The following PRSS3 variants were observed in gnomAD, a reference collection of about 807,000 sequenced individuals.
PRSS3 encodes trypsin-3.
In PRSS3, 14 loss-of-function variants were observed where a neutral mutation model predicts 20.8. That is an observed-to-expected ratio of 0.67 (90% CI 0.44 to 1.05). The LOEUF is 1.05. PRSS3 is among the 50% of genes least tolerant of loss of function. The probability of loss-of-function intolerance (pLI) is 0.00; values close to 1 mark genes in which losing one functional copy is unlikely to be tolerated. For missense variants in PRSS3, 237 were observed against 306.4 expected (o/e 0.77, Z 1.69); for synonymous variants, 91 against 117.6 (o/e 0.77, Z 1.46).
chr9:33,772,896 A>G (rs771363639), intron 1 of PRSS3, among the ~76,000 whole-genome samples: 8 of 152,242 alleles, frequency 5.3e-5, no homozygotes, highest in Middle Eastern at 3.4e-3. Flanking sequence ...CGAGGAGAAA[A>G]ACAAAATTCA....
At chr9:33,768,140 G>C (rs909458933) in intron 1 of PRSS3, among the ~76,000 whole-genome samples, 9 of 152,186 alleles carry the variant, frequency 5.9e-5, no homozygotes, top group African/African-American at 2.2e-4. Context: ...GTTTGGAGGT[G>C]CATGTTGGAA....
chr9:33,762,665 C>A (rs1049774070), intron 1 of PRSS3, among the ~76,000 whole-genome samples: 14 of 152,186 alleles, frequency 9.2e-5, no homozygotes, highest in Non-Finnish European at 1.8e-4. Context: ...CTATAACCTA[C>A]TTCCTTACTG....
At chr9:33,794,916 C>T, upstream of PRSS3, 1 of 1,537,580 alleles carries the variant, frequency 6.5e-7, no homozygotes, top group African/African-American at 1.4e-5. Flanking sequence ...CTTTGAAACA[C>T]TTCCCATCCT....
At chr9:33,786,514 C>T (rs554781876) in intron 1 of PRSS3, 2 of 757,296 alleles carry the variant, frequency 2.6e-6, no homozygotes, top group East Asian at 2.4e-5. Flanking sequence ...TCATGAATAT[C>T]TCTCTGGAAC....
intron 1 of PRSS3, among the ~76,000 whole-genome samples, chr9:33,758,350 C>T (rs1264829022): frequency 6.6e-6 from 1 of 152,242 alleles, no homozygotes; most frequent in Admixed American, 6.5e-5. Flanking sequence ...AGCTCCTGCT[C>T]TGGTCTCACT....
At position 33,787,655 on chromosome 9, in the gene PRSS3, TG is replaced by T. The variant is rs1304512991; in HGVS notation, c.-52-7088del. Among the ~76,000 whole-genome samples, 3 of 152,334 alleles carry T rather than the reference TG, an allele frequency of 2.0e-5. No homozygotes were observed. The East Asian group carries it at 5.8e-4, about 29-fold the overall frequency. ...CCCATGATAAAAGCTTCCTGCTGCT[TG>T]GGCCATAGACTAAGCAGACCCAGTT... is the stretch of plus-strand genomic sequence containing the variant. On this transcript the variant is annotated intron_variant, in intron 1 of 5. Coordinates refer to the PRSS3 transcript ENST00000342836.
rs796544303 is a variant in PRSS3, at chr9:33,797,754, G to A, written c.201-75G>A. 3 of 1,613,400 alleles carry A rather than the reference G, an allele frequency of 1.9e-6. No homozygotes were observed. In the African/African-American group the frequency reaches 4.0e-5, roughly 22 times the overall value. On this transcript the variant is annotated intron_variant, in intron 2 of 4. Transcript: ENST00000379405. The stretch of plus-strand genomic sequence containing the variant: ...AGAGCTATCCATGAGCAGTGAGCTT[G>A]AGGACCCTGGGGAAGGTGGGAGGGG...
At chr9:33,777,672 C>A (rs1823998067) in intron 1 of PRSS3, among the ~76,000 whole-genome samples, 1 of 148,322 alleles carries the variant, frequency 6.7e-6, no homozygotes, top group Non-Finnish European at 1.5e-5. Flanking sequence ...CGCGCTACTG[C>A]ACTCCACCCT....
chr9:33,761,074 G>A (rs767163453), intron 1 of PRSS3, among the ~76,000 whole-genome samples: 2 of 152,202 alleles, frequency 1.3e-5, no homozygotes, highest in Non-Finnish European at 2.9e-5. Flanking sequence ...TACGTCCCAG[G>A]ACAATCAGTC....
chr9:33,753,465 G>T (rs1320891382), intron 1 of PRSS3, among the ~76,000 whole-genome samples: 2 of 152,200 alleles, frequency 1.3e-5, no homozygotes, highest in African/African-American at 2.4e-5. Context: ...CTGTCATGTG[G>T]TCTCTTGAGA....
chr9:33,780,836 A>G (rs1824153339), intron 1 of PRSS3, among the ~76,000 whole-genome samples: 1 of 152,246 alleles, frequency 6.6e-6, no homozygotes, highest in South Asian at 2.1e-4. Flanking sequence ...GAGACCTAAC[A>G]ATCCTAAATA....
intron 1 of PRSS3, among the ~76,000 whole-genome samples, chr9:33,757,244 C>G (rs1822991720): frequency 6.6e-6 from 1 of 152,268 alleles, no homozygotes; most frequent in South Asian, 2.1e-4. Context: ...ATTTTCTTTT[C>G]TATTGAAAAA....
chr9:33,783,877 T>G (rs1262487024), intron 1 of PRSS3, among the ~76,000 whole-genome samples: 1 of 130,836 alleles, frequency 7.6e-6, no homozygotes, highest in Non-Finnish European at 1.6e-5. Context: ...GCGACAGAGC[T>G]AGACTTAATC....
intron 1 of PRSS3, among the ~76,000 whole-genome samples, chr9:33,781,340 C>T (rs1223362322): frequency 6.6e-6 from 1 of 152,178 alleles, no homozygotes; most frequent in Non-Finnish European, 1.5e-5. Context: ...GAATACTACA[C>T]AGCCCTAAAA....
intron 1 of PRSS3, among the ~76,000 whole-genome samples, chr9:33,785,388 G>A (rs112206841): frequency 0.21 from 32,180 of 150,520 alleles, 4,113 homozygotes; most frequent in East Asian, 0.55. Context: ...CGTTTTAGCC[G>A]GGATGGTCTC....
chr9:33,799,192 C>T lies in PRSS3; in HGVS notation c.*12C>T, dbSNP rs770709229. On this transcript the variant is annotated 3_prime_UTR_variant, in exon 5 of 5. Coordinates refer to ENST00000379405, the MANE Select transcript of PRSS3 (RefSeq NM_002771.4). ...CTGCCAACAGCTAAAGCCCCCGGTC[C>T]CTCTGCAGTCTCTATACCAATAAAG... The T allele has an allele frequency of 6.2e-7, 1 of 1,608,838 alleles. No homozygotes were observed. Among genetic ancestry groups the T allele is most frequent in the South Asian group, 1.1e-5 (1 of 90,968 alleles).
At chr9:33,759,858 T>A (rs1430890661) in intron 1 of PRSS3, among the ~76,000 whole-genome samples, 1 of 152,142 alleles carries the variant, frequency 6.6e-6, no homozygotes, top group Non-Finnish European at 1.5e-5. Flanking sequence ...GGAGGATTGT[T>A]GAGTAAAGTG....
intron 1 of PRSS3, among the ~76,000 whole-genome samples, chr9:33,785,622 A>T (rs1390246808): frequency 1.3e-5 from 2 of 152,226 alleles, no homozygotes; most frequent in Non-Finnish European, 2.9e-5. Context: ...AACAAAGGAA[A>T]ACATATAAGA....
intron 1 of PRSS3, among the ~76,000 whole-genome samples, chr9:33,766,855 T>G (rs187064151): frequency 6.6e-6 from 1 of 152,196 alleles, no homozygotes; most frequent in African/African-American, 2.4e-5. Flanking sequence ...TGTAATTTTA[T>G]ATAAAATTAG....
Sources: gnomAD v4.1 joint callset for allele counts (sites outside exome capture counted in the v4.1 genomes callset) on GRCh38, gnomAD v4.1.1 for gene constraint, MANE v1.5 for transcripts, NCBI Gene and HGNC (gene_info 2026-07-23, HGNC 2026-07-21) for gene names.